Variants in PTPRD observed in about 807,000 individuals in gnomAD.
PTPRD encodes receptor-type tyrosine-protein phosphatase delta.
A neutral mutation model predicts 214.5 loss-of-function variants in PTPRD; 34 were observed. That is an observed-to-expected ratio of 0.16 (90% CI 0.12 to 0.21). The LOEUF is 0.21. Ranked by LOEUF, PTPRD falls within the 10% of genes least tolerant of loss-of-function variation. The probability of loss-of-function intolerance (pLI) is 1.00; values close to 1 mark genes in which losing one functional copy is unlikely to be tolerated. For missense variants in PTPRD, 2,545 were observed against 2,398.7 expected (o/e 1.06, Z -1.27); for synonymous variants, 1,128 against 845.7 (o/e 1.33, Z -5.79).
At chr9:9,254,400 C>A (rs1230331176) in intron 9 of PTPRD, among the ~76,000 whole-genome samples, 1 of 151,960 alleles carries the variant, frequency 6.6e-6, no homozygotes, top group African/African-American at 2.4e-5. Flanking sequence ...AAATTTATTT[C>A]AGTGAGCAAA....
In PTPRD at chr9:8,635,341, T is replaced by C. The variant is rs75381740; in HGVS notation, c.210+1358A>G. On this transcript the variant is annotated intron_variant, in intron 13 of 45. Transcript: ENST00000381196. ...TCTCTTTGACAAAAAATTAACTTCA[T>C]TTAAATTTTTTTAATGTGCAGCAAA... is the stretch of plus-strand genomic sequence containing the variant. Among the ~76,000 whole-genome samples the C allele has an allele frequency of 1.2e-3, 183 of 151,838 alleles. 2 individuals are homozygous for C. Among genetic ancestry groups the C allele is most frequent in the African/African-American group, 4.3e-3 (177 of 41,500 alleles).
chr9:9,031,071 A>C (rs2099603781), intron 10 of PTPRD, among the ~76,000 whole-genome samples: 1 of 151,930 alleles, frequency 6.6e-6, no homozygotes, highest in Non-Finnish European at 1.5e-5. Flanking sequence ...GGAATGGTTA[A>C]ATTGATGAGA....
intron 9 of PTPRD, among the ~76,000 whole-genome samples, chr9:9,226,984 T>C (rs1428752719): frequency 6.6e-6 from 1 of 152,128 alleles, no homozygotes; most frequent in Non-Finnish European, 1.5e-5. Context: ...TGATAGATAT[T>C]GTTAGATACT....
rs184297385 is a variant in PTPRD at position 8,683,407 on chromosome 9, T to C, written c.65-46563A>G. 3.9e-3 allele frequency among the ~76,000 whole-genome samples: 590 copies of C among 150,742 alleles called. 5 individuals carry two copies. Among genetic ancestry groups the C allele is most frequent in the Middle Eastern group, 0.011 (3 of 282 alleles). On this transcript the variant is annotated intron_variant, in intron 12 of 45. Transcript: ENST00000381196. ...TCTCAAAAAAAAAAAAAAAAGTGTA[T>C]ACATAAGTGAGAGAGAGAGAAAAGG...
At chr9:8,835,635 T>C (rs1408843373) in intron 11 of PTPRD, among the ~76,000 whole-genome samples, 1 of 152,180 alleles carries the variant, frequency 6.6e-6, no homozygotes, top group African/African-American at 2.4e-5. Context: ...GCTCAAGTGA[T>C]CCTCCCACCT....
At chr9:10,428,032 C>T (rs890308697) in intron 2 of PTPRD, among the ~76,000 whole-genome samples, 5 of 151,782 alleles carry the variant, frequency 3.3e-5, no homozygotes, top group African/African-American at 1.2e-4. Flanking sequence ...TTAAGTGTTC[C>T]TGGACGGGCA....
intron 3 of PTPRD, among the ~76,000 whole-genome samples, chr9:10,211,819 G>T (rs888199682): frequency 1.3e-5 from 2 of 152,042 alleles, no homozygotes; most frequent in South Asian, 2.1e-4. Flanking sequence ...AGAGAGGGGG[G>T]TGAGGGATGA....
At chr9:10,100,446 G>A (rs1363495699) in intron 3 of PTPRD, among the ~76,000 whole-genome samples, 1 of 151,580 alleles carries the variant, frequency 6.6e-6, no homozygotes, top group Non-Finnish European at 1.5e-5. Flanking sequence ...AGGTAGAGAA[G>A]GCAATTGCAA....
Position 8,588,421 on chromosome 9 carries a change from G to C in PTPRD, c.352+44896C>G, listed in dbSNP as rs568370320. Among the ~76,000 whole-genome samples the C allele has an allele frequency of 5.3e-5, 8 of 152,284 alleles. No homozygotes were observed. The East Asian group carries it at 5.8e-4, about 11-fold the overall frequency. On this transcript the variant is annotated intron_variant, in intron 14 of 45. Coordinates refer to ENST00000381196, the MANE Select transcript of PTPRD (RefSeq NM_002839.4). ...ACCAAAATGTGTTTTGGAAGTTCAA[G>C]TCTCCAACACTATGAAATATAAAAG...
chr9:8,849,454 CTGACCTCG>C (rs1267443587), intron 11 of PTPRD, among the ~76,000 whole-genome samples: 1 of 152,150 alleles, frequency 6.6e-6, no homozygotes, highest in African/African-American at 2.4e-5. Flanking sequence ...TCTCGATCTC[CTGACCTCG>C]TGATCCACCG....
At chr9:9,370,251 T>C (rs1371760571) in intron 9 of PTPRD, among the ~76,000 whole-genome samples, 1 of 152,126 alleles carries the variant, frequency 6.6e-6, no homozygotes, top group Non-Finnish European at 1.5e-5. Context: ...GAGCATGGAA[T>C]GTTCTTCCAT....
At chr9:9,589,349 T>C (rs2092463408) in intron 7 of PTPRD, among the ~76,000 whole-genome samples, 2 of 152,028 alleles carry the variant, frequency 1.3e-5, no homozygotes, top group South Asian at 4.1e-4. Context: ...TTTAATAAAA[T>C]GTCTTTCCCT....
chr9:9,978,837 C>A lies in PTPRD; in HGVS notation c.-471-40227G>T, dbSNP rs145112825. On this transcript the variant is annotated intron_variant, in intron 4 of 45. Transcript: ENST00000381196. The stretch of plus-strand genomic sequence containing the variant: ...CACACTGAGATACATCTCAGTCACA[C>A]TGATGAAAACCAAAAGAGAAAATCC... Among the ~76,000 whole-genome samples the A allele has an allele frequency of 1.9e-3, 292 of 152,042 alleles. 1 individual carries two copies. The highest frequency in any genetic ancestry group is 6.7e-3 in the African/African-American group (277 of 41,528).
intron 8 of PTPRD, among the ~76,000 whole-genome samples, chr9:9,434,467 C>A (rs2084408271): frequency 6.6e-6 from 1 of 152,126 alleles, no homozygotes; most frequent in Non-Finnish European, 1.5e-5. Context: ...TTTATGCAAT[C>A]CCTATCAATA....
At chr9:9,105,683 G>C (rs2099797491) in intron 10 of PTPRD, among the ~76,000 whole-genome samples, 1 of 152,160 alleles carries the variant, frequency 6.6e-6, no homozygotes, top group African/African-American at 2.4e-5. Flanking sequence ...TGATCTAGGA[G>C]AGTGGATTAA....
At chr9:8,610,662 C>A (rs2095415267) in intron 14 of PTPRD, among the ~76,000 whole-genome samples, 2 of 152,162 alleles carry the variant, frequency 1.3e-5, no homozygotes, top group African/African-American at 2.4e-5. Context: ...ATATTCAGTT[C>A]AATAGCCAAA....
At chr9:9,903,624 C>A (rs1020480516) in intron 5 of PTPRD, among the ~76,000 whole-genome samples, 1 of 152,008 alleles carries the variant, frequency 6.6e-6, no homozygotes, top group African/African-American at 2.4e-5. Flanking sequence ...TTAAATAATA[C>A]AAGAAAAATA....
chr9:10,186,933 C>T (rs544011645), intron 3 of PTPRD, among the ~76,000 whole-genome samples: 29 of 152,088 alleles, frequency 1.9e-4, no homozygotes, highest in Non-Finnish European at 4.1e-4. Flanking sequence ...GATTAATGTT[C>T]TTGAGAGCAG....
Position 9,722,087 on chromosome 9 carries a change from T to A in PTPRD, c.-287+12446A>T, listed in dbSNP as rs531860486. The stretch of plus-strand genomic sequence containing the variant: ...TTTTTAAGGAATCACTTTATTAAGA[T>A]ATATTTTACACACCATAAAACTCTC... On this transcript the variant is annotated intron_variant, in intron 7 of 45. Coordinates refer to ENST00000381196, the MANE Select transcript of PTPRD (RefSeq NM_002839.4). Among the ~76,000 whole-genome samples the A allele has an allele frequency of 9.2e-5, 14 of 152,204 alleles. No homozygotes were observed. In the East Asian group the frequency reaches 2.7e-3, roughly 29 times the overall value.
Sources: allele counts gnomAD v4.1 joint callset (sites outside exome capture counted in the v4.1 genomes callset), GRCh38; gene constraint gnomAD v4.1.1; transcripts MANE v1.5; gene names NCBI Gene and HGNC (gene_info 2026-07-23, HGNC 2026-07-21).